Variants in SMOC2 observed in about 807,000 individuals in gnomAD.
SMOC2 encodes SPARC related modular calcium binding 2, also known as SPARC-related modular calcium-binding protein 2.
SMOC2 carries 39 observed loss-of-function variants against 61.4 expected under a neutral mutation model. That is an observed-to-expected ratio of 0.64 (90% CI 0.49 to 0.83). SMOC2 has a LOEUF of 0.83. SMOC2 is among the 40% of genes least tolerant of loss of function. The probability of loss-of-function intolerance (pLI) is 0.00; values close to 1 mark genes in which losing one functional copy is unlikely to be tolerated. For missense variants in SMOC2, 556 were observed against 592.9 expected, an observed-to-expected ratio of 0.94 and a Z score of 0.65; for synonymous variants, 247 against 239.9, an observed-to-expected ratio of 1.03 and a Z score of -0.27.
At chr6:168,554,471 G>T (rs901182387) in intron 7 of SMOC2, among the ~76,000 whole-genome samples, 4 of 152,162 alleles carry the variant, frequency 2.6e-5, no homozygotes, top group South Asian at 2.1e-4. Flanking sequence ...GAAGCATTCT[G>T]CTGGGCTCCT....
In SMOC2 at chr6:168,653,215, CA is replaced by C. The variant is rs1169020413; in HGVS notation, c.1274del (p.Lys425ArgfsTer87). ...VAKEDGKADT[K>X]KRHTPRGHAE... Reference sequence around the variant, plus strand: ...CGAAAGAGGACGGCAAAGCGGACACCAAGAAACGCCACAGTAAGAGCTTTCC... The same window carrying C: ...CGAAAGAGGACGGCAAAGCGGACACCAGAAACGCCACAGTAAGAGCTTTCC... On this transcript the variant is annotated frameshift_variant, in exon 11 of 13. Transcript: ENST00000356284. LOFTEE classifies it high-confidence loss of function. 2 of 1,612,642 alleles carry C rather than the reference CA, an allele frequency of 1.2e-6. No homozygotes were observed. The highest frequency in any genetic ancestry group is 1.7e-6 in the Non-Finnish European group (2 of 1,179,270).
intron 1 of SMOC2, among the ~76,000 whole-genome samples, chr6:168,478,120 C>G (rs1218628860): frequency 1.3e-5 from 2 of 152,156 alleles, no homozygotes; most frequent in Non-Finnish European, 2.9e-5. Flanking sequence ...TTCATCTTGA[C>G]ACCTTAAATG....
At chr6:168,576,872 TCA>T (rs148376677) in intron 7 of SMOC2, among the ~76,000 whole-genome samples, 2,430 of 147,202 alleles carry the variant, frequency 0.017, 80 homozygotes, top group African/African-American at 0.058. Flanking sequence ...TGCTCCTCAG[TCA>T]CAGACATCTA....
intron 8 of SMOC2, 53 bp from the exon 9 acceptor site, chr6:168,608,104 G>A: frequency 6.5e-7 from 1 of 1,531,284 alleles, no homozygotes; most frequent in South Asian, 1.2e-5. Flanking sequence ...ACCACAGCTG[G>A]TCTCAAGCCC....
chr6:168,653,560 A>G (rs1240380009), intron 11 of SMOC2, among the ~76,000 whole-genome samples: 3 of 151,870 alleles, frequency 2.0e-5, no homozygotes, highest in Admixed American at 2.0e-4. Flanking sequence ...CCACTGGAAT[A>G]ACCAACCCTG....
intron 1 of SMOC2, among the ~76,000 whole-genome samples, chr6:168,450,417 C>T (rs1485400049): frequency 5.9e-5 from 9 of 152,166 alleles, no homozygotes; most frequent in East Asian, 3.8e-4. Flanking sequence ...TCAACAGGAA[C>T]GGACATCATC....
chr6:168,510,545 C>T (rs1782982006), intron 2 of SMOC2, among the ~76,000 whole-genome samples: 1 of 152,142 alleles, frequency 6.6e-6, no homozygotes, highest in African/African-American at 2.4e-5. Flanking sequence ...TGAAATGCTT[C>T]CTACATCAGT....
chr6:168,480,731 C>T (rs1249974902), intron 1 of SMOC2, among the ~76,000 whole-genome samples: 1 of 151,810 alleles, frequency 6.6e-6, no homozygotes, highest in Non-Finnish European at 1.5e-5. Flanking sequence ...TATAAAGATC[C>T]AAGAAGCTCA....
chr6:168,458,602 C>T (rs1266540197), intron 1 of SMOC2, among the ~76,000 whole-genome samples: 5 of 152,138 alleles, frequency 3.3e-5, no homozygotes, highest in Admixed American at 6.5e-5. Context: ...AGGAATGGGG[C>T]CCAGGCATCT....
chr6:168,543,484 C>T (rs1783918580), intron 4 of SMOC2, 141 bp from the exon 5 acceptor site: 1 of 693,576 alleles, frequency 1.4e-6, no homozygotes, highest in South Asian at 1.8e-5. Flanking sequence ...GGGTACTAGA[C>T]AGCTTACAGA....
At chr6:168,520,634 C>A (rs1246423388) in intron 2 of SMOC2, among the ~76,000 whole-genome samples, 2 of 152,262 alleles carry the variant, frequency 1.3e-5, no homozygotes, top group Non-Finnish European at 2.9e-5. Context: ...AAATGAGACA[C>A]CACAGTCATT....
At chr6:168,635,258 G>A (rs1022467776) in intron 9 of SMOC2, among the ~76,000 whole-genome samples, 5 of 152,224 alleles carry the variant, frequency 3.3e-5, no homozygotes, top group Admixed American at 1.3e-4. Flanking sequence ...TTCACCAGAC[G>A]TACGCCGGAC....
chr6:168,659,646 G>A (rs1293100029), intron 11 of SMOC2, among the ~76,000 whole-genome samples: 5 of 134,784 alleles, frequency 3.7e-5, no homozygotes, highest in Non-Finnish European at 3.2e-5. Context: ...TGTAGGTTGG[G>A]TGAGGGTGGA....
chr6:168,509,826 C>A (rs984341415), intron 1 of SMOC2, 89 bp from the exon 2 acceptor site: 1 of 1,332,978 alleles, frequency 7.5e-7, no homozygotes, highest in Non-Finnish European at 1.0e-6. Flanking sequence ...ATTCCCTGAC[C>A]GTGAAGTGGC....
At chr6:168,639,630 T>C (rs1341566730) in intron 9 of SMOC2, among the ~76,000 whole-genome samples, 4 of 152,234 alleles carry the variant, frequency 2.6e-5, no homozygotes, top group Non-Finnish European at 5.9e-5. Flanking sequence ...CTTAAGTCAA[T>C]CTTTTCATTG....
At chr6:168,558,058 C>G (rs1420053523) in intron 7 of SMOC2, among the ~76,000 whole-genome samples, 1 of 152,188 alleles carries the variant, frequency 6.6e-6, no homozygotes. Context: ...CCTGTGAATG[C>G]TCCCTCTCCC....
chr6:168,632,397 A>G (rs1160442395), intron 9 of SMOC2, among the ~76,000 whole-genome samples: 1 of 152,260 alleles, frequency 6.6e-6, no homozygotes, highest in Non-Finnish European at 1.5e-5. Flanking sequence ...ACAAAACCAG[A>G]AACCGTGTAT....
intron 9 of SMOC2, among the ~76,000 whole-genome samples, chr6:168,641,968 A>G (rs961423494): frequency 5.3e-5 from 8 of 152,270 alleles, no homozygotes; most frequent in African/African-American, 1.9e-4. Context: ...TAGAAAATAT[A>G]GAAAAGTAGA....
chr6:168,658,929 G>A lies in SMOC2; in HGVS notation c.1286-5145G>A, dbSNP rs1228850038. 1.1e-4 allele frequency among the ~76,000 whole-genome samples: 16 copies of A among 144,418 alleles called. No individual in the cohort carries two copies. In the South Asian group the frequency reaches 3.3e-3, roughly 30 times the overall value. The allele number at this position is 144,418 out of a possible 152,430, so 94.7% of individuals were successfully genotyped here. ...TGTGTGTGGTGTGTGTGTGTGGAGT[G>A]TGTGTATGTGTGGTGTGTGTGGTGT... is the stretch of plus-strand genomic sequence containing the variant. On this transcript the variant is annotated intron_variant, in intron 11 of 12. Transcript: ENST00000356284.
Sources: gnomAD v4.1 joint callset for allele counts (sites outside exome capture counted in the v4.1 genomes callset) on GRCh38, gnomAD v4.1.1 for gene constraint, MANE v1.5 for transcripts, NCBI Gene and HGNC (gene_info 2026-07-23, HGNC 2026-07-21) for gene names.